Variants in NAB1 observed in about 807,000 individuals in gnomAD.
NAB1 encodes NGFI-A-binding protein 1.
NAB1 carries 25 observed loss-of-function variants against 49.9 expected under a neutral mutation model. The observed-to-expected ratio is 0.50, with a 90% CI of 0.37 to 0.70. The LOEUF (loss-of-function observed/expected upper bound fraction) is 0.70. Ranked by LOEUF, NAB1 falls within the 30% of genes least tolerant of loss-of-function variation. NAB1 has a pLI of 0.00. For synonymous variants in NAB1, 198 were observed against 215.6 expected, an observed-to-expected ratio of 0.92 and a Z score of 0.71; for missense variants, 489 against 575.9, an observed-to-expected ratio of 0.85 and a Z score of 1.54.
At position 190,670,507 on chromosome 2, in the gene NAB1, T is replaced by C. The variant is rs769876089; in HGVS notation, c.953+48T>C. 1.3e-6 allele frequency: 2 copies of C among 1,588,324 alleles called. No homozygotes were observed. Among genetic ancestry groups the C allele is most frequent in the Non-Finnish European group, 1.7e-6 (2 of 1,161,178 alleles). ...TTATTTTTGCATTGCTTGAGAGAAG[T>C]AGAGTTCGAAACATCATCTATTGAT... On this transcript the variant is annotated intron_variant, in intron 5 of 9. Coordinates refer to ENST00000337386, the MANE Select transcript of NAB1 (RefSeq NM_005966.4). This position sits in a 1 kb window ranked among gnomAD's most constrained non-coding sequence, Gnocchi z 5.3.
rs566500084 is a variant in NAB1, at chr2:190,677,401, T to C, written c.1005+4249T>C. The C allele has an allele frequency of 6.6e-6, 1 of 152,196 alleles. No homozygotes were observed. Among genetic ancestry groups the C allele is most frequent in the Non-Finnish European group, 1.5e-5 (1 of 68,034 alleles). The allele number at this position is 152,196 out of a possible 1,614,324, so 9.4% of individuals were successfully genotyped here. On this transcript the variant is annotated intron_variant, in intron 6 of 9. Transcript: ENST00000337386. The surrounding 1 kb of genome is among the most constrained non-coding windows in gnomAD (Gnocchi z 5.6). The stretch of plus-strand genomic sequence containing the variant: ...GCCTTAAGGAACCTACCATTTGGAA[T>C]GAAATCTCTAGGGAAACGTTTCTTC...
In NAB1 at chr2:190,667,386, C is replaced by T. The variant is rs558427741; in HGVS notation, c.820-2940C>T. ...TATTAATATGAAAAATAAATCGCTA[C>T]ATAAAAAGCTATTTGAGAATCCTCT... On this transcript the variant is annotated intron_variant, in intron 4 of 9. Transcript: ENST00000337386. The surrounding 1 kb of genome is among the most constrained non-coding windows in gnomAD (Gnocchi z 4.4). Among the ~76,000 whole-genome samples the T allele has an allele frequency of 6.6e-6, 1 of 152,314 alleles. No homozygotes were observed. The highest frequency in any genetic ancestry group is 1.9e-4 in the East Asian group (1 of 5,190).
intron 4 of NAB1, among the ~76,000 whole-genome samples, chr2:190,664,345 A>G (rs975269333): frequency 4.0e-5 from 6 of 149,128 alleles, no homozygotes; most frequent in African/African-American, 1.5e-4. Flanking sequence ...TTACATCTTT[A>G]TATCTTTTTT....
At position 190,680,062 on chromosome 2, in the gene NAB1, C is replaced by T. The variant is rs964467284; in HGVS notation, c.1006-3676C>T. Among the ~76,000 whole-genome samples the T allele has an allele frequency of 9.2e-5, 14 of 152,274 alleles. 1 individual carries two copies. In the South Asian group the frequency reaches 1.5e-3, roughly 16 times the overall value. ...CAAACTCTCAGTTGCCTTATTTCTG[C>T]GGCACCTGCCACTGTCCAGGGCTGG... On this transcript the variant is annotated intron_variant, in intron 6 of 9. Coordinates refer to ENST00000337386, the MANE Select transcript of NAB1 (RefSeq NM_005966.4). The surrounding 1 kb of genome is among the most constrained non-coding windows in gnomAD (Gnocchi z 5.2).
At chr2:190,664,567 T>C (rs1210290349) in intron 4 of NAB1, among the ~76,000 whole-genome samples, 3 of 139,292 alleles carry the variant, frequency 2.2e-5, no homozygotes, top group Non-Finnish European at 4.7e-5. Flanking sequence ...CCTTTCTTCC[T>C]CTCTTTCTTT....
intron 3 of NAB1, among the ~76,000 whole-genome samples, chr2:190,656,508 T>C (rs1693927280): frequency 1.3e-5 from 2 of 152,308 alleles, no homozygotes; most frequent in Admixed American, 6.5e-5. Context: ...AGGGACCGAA[T>C]TGGTTACTTA....
At position 190,670,857 on chromosome 2, in the gene NAB1, C is replaced by G. The variant is rs1369481501; in HGVS notation, c.953+398C>G. ...GGTCCTTTTTGCAAGGTGTTTGAAT[C>G]TGATGAGATTAGCTGAATATGTAAA... On this transcript the variant is annotated intron_variant, in intron 5 of 9. Coordinates refer to ENST00000337386, the MANE Select transcript of NAB1 (RefSeq NM_005966.4). This position sits in a 1 kb window ranked among gnomAD's most constrained non-coding sequence, Gnocchi z 5.3. Among the ~76,000 whole-genome samples the G allele has an allele frequency of 2.0e-5, 3 of 152,114 alleles. No homozygotes were observed. The highest frequency in any genetic ancestry group is 4.4e-5 in the Non-Finnish European group (3 of 68,028).
Position 190,659,860 on chromosome 2 carries a change from G to A in NAB1, c.684G>A (p.Leu228=). ...VKELLKTNKK[L]AKMIGHIFEM... Reference sequence around the variant, plus strand: ...AGCTGCTAAAAACCAACAAGAAGTTGGCCAAAATGATTGGTCACATCTTTG... The same window carrying A: ...AGCTGCTAAAAACCAACAAGAAGTTAGCCAAAATGATTGGTCACATCTTTG... The change falls in exon 4 of 10, where the codon TTG becomes TTA. Residue 228 remains leucine, a synonymous_variant. Coordinates refer to ENST00000337386, the MANE Select transcript of NAB1 (RefSeq NM_005966.4). The surrounding 1 kb of genome is among the most constrained non-coding windows in gnomAD (Gnocchi z 6.2). The A allele has an allele frequency of 6.2e-7, 1 of 1,614,168 alleles. No individual in the cohort carries two copies. The highest frequency in any genetic ancestry group is 8.5e-7 in the Non-Finnish European group (1 of 1,180,020).
At chr2:190,650,884 CCT>C (rs1693629645) in intron 2 of NAB1, among the ~76,000 whole-genome samples, 1 of 151,894 alleles carries the variant, frequency 6.6e-6, no homozygotes, top group South Asian at 2.1e-4. Context: ...CTTTTTTATC[CCT>C]GATTTGGGTA....
rs960062217 is a variant in NAB1 at position 190,678,311 on chromosome 2, C to T, written c.1005+5159C>T. ...GTTAAAAGTGAATTCAATTGGTAAC[C>T]TTTCTTTTTCATTAAGAACACATTC... On this transcript the variant is annotated intron_variant, in intron 6 of 9. Transcript: ENST00000337386. This position sits in a 1 kb window ranked among gnomAD's most constrained non-coding sequence, Gnocchi z 4.9. Among the ~76,000 whole-genome samples the T allele has an allele frequency of 1.3e-5, 2 of 152,166 alleles. No homozygotes were observed. The highest frequency in any genetic ancestry group is 4.8e-5 in the African/African-American group (2 of 41,430).
intron 4 of NAB1, among the ~76,000 whole-genome samples, chr2:190,665,472 C>T (rs1694469476): frequency 6.6e-6 from 1 of 152,040 alleles, no homozygotes; most frequent in Non-Finnish European, 1.5e-5. Context: ...CCCTTTGTTT[C>T]TTCAAATGAA....
intron 4 of NAB1, among the ~76,000 whole-genome samples, chr2:190,661,593 T>TAA (rs1455977503): frequency 3.3e-5 from 5 of 152,200 alleles, no homozygotes; most frequent in African/African-American, 1.2e-4. Context: ...ACCCTACTTT[T>TAA]AAAAAATGTA....
In NAB1 at chr2:190,670,198, A is replaced by G. The variant is rs1694733220; in HGVS notation, c.820-128A>G. On this transcript the variant is annotated intron_variant, in intron 4 of 9. Coordinates refer to ENST00000337386, the MANE Select transcript of NAB1 (RefSeq NM_005966.4). The surrounding 1 kb of genome is among the most constrained non-coding windows in gnomAD (Gnocchi z 5.3). ...TTAGGAATAATTAGGAATAAATACCATTCTGATTTTTATGAATAATGATTC... is the reference window on the plus strand; with the variant it reads ...TTAGGAATAATTAGGAATAAATACCGTTCTGATTTTTATGAATAATGATTC... 1 of 940,090 alleles carries G rather than the reference A, an allele frequency of 1.1e-6. No individual in the cohort carries two copies. The highest frequency in any genetic ancestry group is 2.8e-5 in the East Asian group (1 of 35,490). 58.2% of individuals were successfully genotyped at this position (940,090 alleles called of 1,614,324 possible). A position where few individuals can be genotyped will look rare whatever the true frequency, so the allele number is the denominator to read the frequency against.
Position 190,685,412 on chromosome 2 carries a change from C to T in NAB1, c.1096-64C>T, listed in dbSNP as rs1695556451. On this transcript the variant is annotated intron_variant, in intron 7 of 9. Transcript: ENST00000337386. The surrounding 1 kb of genome is among the most constrained non-coding windows in gnomAD (Gnocchi z 4.5). The stretch of plus-strand genomic sequence containing the variant: ...ATTTGCTGGAGTCTGAAATTGGCAT[C>T]TTTAAACCATTAAAAAATCTAGAAT... 6.9e-7 allele frequency: 1 copy of T among 1,453,864 alleles called. No individual in the cohort carries two copies. Among genetic ancestry groups the T allele is most frequent in the African/African-American group, 1.4e-5 (1 of 70,658 alleles). The allele number at this position is 1,453,864 out of a possible 1,614,324, so 90.1% of individuals were successfully genotyped here. A position where few individuals can be genotyped will look rare whatever the true frequency, so the allele number is the denominator to read the frequency against.
chr2:190,685,628 A>C lies in NAB1; in HGVS notation c.1248A>C (p.Ser416=), dbSNP rs777618956. The C allele has an allele frequency of 5.6e-5, 90 of 1,608,086 alleles. No homozygotes were observed. The Middle Eastern group carries it at 8.2e-4, about 15-fold the overall frequency. The change falls in exon 8 of 10, where the codon TCA becomes TCC. Residue 416 remains serine, a synonymous_variant. Coordinates refer to ENST00000337386, the MANE Select transcript of NAB1 (RefSeq NM_005966.4). This position sits in a 1 kb window ranked among gnomAD's most constrained non-coding sequence, Gnocchi z 4.5. ...HSPNGLTSDN[S]DGQGERPLNL... Reference sequence around the variant, plus strand: ...CTAACGGCTTGACTTCCGATAACTCAGATGGACAAGGTACATCTTTAGAAT... The same window carrying C: ...CTAACGGCTTGACTTCCGATAACTCCGATGGACAAGGTACATCTTTAGAAT...
Position 190,674,506 on chromosome 2 carries a change from C to T in NAB1, c.1005+1354C>T, listed in dbSNP as rs1694978119. On this transcript the variant is annotated intron_variant, in intron 6 of 9. Transcript: ENST00000337386. The surrounding 1 kb of genome is among the most constrained non-coding windows in gnomAD (Gnocchi z 5.7). The stretch of plus-strand genomic sequence containing the variant: ...TCATAGCATTCGCCAGTATTTGAAA[C>T]TGTTAGTTACTTGTTTTAAATTTAT... Among the ~76,000 whole-genome samples, 1 of 152,164 alleles carries T rather than the reference C, an allele frequency of 6.6e-6. No individual in the cohort carries two copies. The highest frequency in any genetic ancestry group is 1.5e-5 in the Non-Finnish European group (1 of 68,038).
chr2:190,659,567 G>A lies in NAB1; in HGVS notation c.391G>A (p.Ala131Thr). 1 of 1,614,246 alleles carries A rather than the reference G, an allele frequency of 6.2e-7. No homozygotes were observed. The highest frequency in any genetic ancestry group is 2.2e-5 in the East Asian group (1 of 44,892). The change falls in exon 4 of 10, where the codon GCT becomes ACT. Residue 131 changes from alanine to threonine, a missense_variant. Transcript: ENST00000337386. This position sits in a 1 kb window ranked among gnomAD's most constrained non-coding sequence, Gnocchi z 6.2. The part of the protein sequence containing the change: ...REPHLKIPKC[A>T]ATTCVQSLGQ... ...ACCTCATTTAAAAATCCCCAAATGTGCTGCCACCACCTGTGTGCAGAGCTT... is the reference window on the plus strand; with the variant it reads ...ACCTCATTTAAAAATCCCCAAATGTACTGCCACCACCTGTGTGCAGAGCTT...
rs1375860031 is a variant in NAB1, at chr2:190,691,360, A to C, written c.*1027A>C. 2 of 152,392 alleles carry C rather than the reference A, an allele frequency of 1.3e-5. No homozygotes were observed. Among genetic ancestry groups the C allele is most frequent in the East Asian group, 3.9e-4 (2 of 5,190 alleles). 9.4% of individuals were successfully genotyped at this position (152,392 alleles called of 1,614,324 possible). ...CCACCCAGCCATCACAAATGTGGAC[A>C]ATCACTGCATCCACATCTGTAGGCA... On this transcript the variant is annotated 3_prime_UTR_variant, in exon 10 of 10. Transcript: ENST00000337386. The surrounding 1 kb of genome is among the most constrained non-coding windows in gnomAD (Gnocchi z 4.1).
intron 6 of NAB1, among the ~76,000 whole-genome samples, chr2:190,683,090 A>G (rs924630151): frequency 5.3e-5 from 8 of 151,934 alleles, no homozygotes; most frequent in African/African-American, 1.7e-4. Context: ...AATGTTTTTT[A>G]TGTGTTTTGT....
Sources: allele counts gnomAD v4.1 joint callset (sites outside exome capture counted in the v4.1 genomes callset), GRCh38; gene constraint gnomAD v4.1.1; non-coding constraint Gnocchi (gnomAD v3.1); transcripts MANE v1.5; gene names NCBI Gene and HGNC (gene_info 2026-07-23, HGNC 2026-07-21).